The following CTNND2 variants were observed in gnomAD, a reference collection of about 807,000 sequenced individuals.
CTNND2 encodes the protein catenin delta-2.
In CTNND2, 22 loss-of-function variants were observed where a neutral mutation model predicts 144.4. The ratio of observed to expected loss-of-function variants is 0.15; its 90% CI spans 0.11 to 0.22. The LOEUF is 0.22. CTNND2 is among the 10% of genes least tolerant of loss of function. The pLI is 1.00. For synonymous variants in CTNND2, 751 were observed against 695.6 expected (o/e 1.08, Z -1.25); for missense variants, 1,353 against 1,618.8 (o/e 0.84, Z 2.82).
At chr5:11,040,966 G>A (rs1744635209) in intron 16 of CTNND2, among the ~76,000 whole-genome samples, 1 of 152,190 alleles carries the variant, frequency 6.6e-6, no homozygotes, top group Non-Finnish European at 1.5e-5. Flanking sequence ...ACTCTCCTAA[G>A]ATGAAAATTT....
At chr5:11,820,957 A>C (rs1793277031) in intron 1 of CTNND2, among the ~76,000 whole-genome samples, 1 of 152,226 alleles carries the variant, frequency 6.6e-6, no homozygotes, top group African/African-American at 2.4e-5. Context: ...ACAATTCACA[A>C]ACTAGACACC....
intron 1 of CTNND2, among the ~76,000 whole-genome samples, chr5:11,800,749 T>C (rs1234156260): frequency 6.6e-6 from 1 of 152,224 alleles, no homozygotes; most frequent in African/African-American, 2.4e-5. Flanking sequence ...CATTGTCTCA[T>C]CATATTCTCA....
At chr5:11,156,601 A>T (rs990471634) in intron 12 of CTNND2, among the ~76,000 whole-genome samples, 4 of 152,228 alleles carry the variant, frequency 2.6e-5, no homozygotes, top group Non-Finnish European at 5.9e-5. Flanking sequence ...TTGGCAAAAG[A>T]AGAAAGGAGT....
rs761450925 is a variant in CTNND2 at position 11,540,555 on chromosome 5, C to T, written c.287+24389G>A. On this transcript the variant is annotated intron_variant, in intron 3 of 21. Coordinates refer to ENST00000304623, the MANE Select transcript of CTNND2 (RefSeq NM_001332.4). ...GTTTTGAGAATAAGTCTTGCTCTGT[C>T]GTCCGGGCTGGAGTGCAGTGGCACG... 4.6e-5 allele frequency among the ~76,000 whole-genome samples: 7 copies of T among 152,164 alleles called. No individual in the cohort carries two copies. In the East Asian group the frequency reaches 1.2e-3, roughly 25 times the overall value.
At chr5:11,375,451 G>A (rs1757842204) in intron 7 of CTNND2, among the ~76,000 whole-genome samples, 1 of 152,126 alleles carries the variant, frequency 6.6e-6, no homozygotes, top group African/African-American at 2.4e-5. Context: ...TTGGAGAAGA[G>A]AGGAATTCTG....
chr5:10,977,699 T>C (rs572555326), intron 21 of CTNND2, among the ~76,000 whole-genome samples: 28 of 152,320 alleles, frequency 1.8e-4, no homozygotes, highest in African/African-American at 6.5e-4. Context: ...GCGATCTGCC[T>C]GCCTCGGCCT....
At chr5:11,270,398 C>T (rs1426226204) in intron 9 of CTNND2, among the ~76,000 whole-genome samples, 1 of 151,128 alleles carries the variant, frequency 6.6e-6, no homozygotes, top group East Asian at 1.9e-4. Flanking sequence ...CACATAACAA[C>T]TATGTAACTT....
chr5:11,181,589 C>A (rs538812233), intron 11 of CTNND2, among the ~76,000 whole-genome samples: 1 of 152,064 alleles, frequency 6.6e-6, no homozygotes, highest in Non-Finnish European at 1.5e-5. Flanking sequence ...TGTGGAACTG[C>A]GTCTGGTAGA....
intron 2 of CTNND2, among the ~76,000 whole-genome samples, chr5:11,576,416 A>AAT (rs1178916411): frequency 6.7e-6 from 1 of 150,014 alleles, no homozygotes; most frequent in African/African-American, 2.4e-5. Context: ...ATTATATATA[A>AAT]ATATATATAA....
At chr5:11,345,727 C>A (rs1458521604) in intron 9 of CTNND2, among the ~76,000 whole-genome samples, 3 of 151,602 alleles carry the variant, frequency 2.0e-5, no homozygotes, top group Admixed American at 6.6e-5. Flanking sequence ...TCAAATCCAA[C>A]TTTACAAGCA....
At chr5:11,476,396 A>C (rs1374002927) in intron 3 of CTNND2, among the ~76,000 whole-genome samples, 4 of 152,190 alleles carry the variant, frequency 2.6e-5, no homozygotes, top group African/African-American at 9.7e-5. Context: ...CTCAGTAACA[A>C]TGCAAGATAG....
At chr5:11,468,651 T>A (rs942867716) in intron 3 of CTNND2, among the ~76,000 whole-genome samples, 1 of 152,212 alleles carries the variant, frequency 6.6e-6, no homozygotes, top group Non-Finnish European at 1.5e-5. Flanking sequence ...CTACACTTAT[T>A]CATTTCTAGA....
chr5:11,024,952 G>A (rs1429121724), intron 16 of CTNND2, among the ~76,000 whole-genome samples: 1 of 152,160 alleles, frequency 6.6e-6, no homozygotes, highest in Non-Finnish European at 1.5e-5. Flanking sequence ...TGCCATTCAA[G>A]TACTATCATT....
chr5:11,817,415 GA>G lies in CTNND2; in HGVS notation c.38-85144del, dbSNP rs1793032714. On this transcript the variant is annotated intron_variant, in intron 1 of 21. Coordinates refer to ENST00000304623, the MANE Select transcript of CTNND2 (RefSeq NM_001332.4). ...GAGAGAGAGAGAGAGAGGAGGGAGA[GA>G]GAGAGAGAGAGAGAGAGAGAGAGAG... 3.8e-3 allele frequency among the ~76,000 whole-genome samples: 2 copies of G among 532 alleles called. 1 individual carries two copies. The highest frequency in any genetic ancestry group is 0.048 in the Admixed American group (2 of 42). The allele number at this position is 532 out of a possible 152,430, so 0.3% of individuals were successfully genotyped here. A position where few individuals can be genotyped will look rare whatever the true frequency, so the allele number is the denominator to read the frequency against.
In CTNND2 at chr5:11,865,902, C is replaced by CAAAAAAAAAAAAAAAAAAAAAA. The variant is rs56310600; in HGVS notation, c.37+37914_37+37915insTTTTTTTTTTTTTTTTTTTTTT. 2.3e-5 allele frequency among the ~76,000 whole-genome samples: 2 copies of CAAAAAAAAAAAAAAAAAAAAAA among 87,444 alleles called. 1 individual carries two copies. Among genetic ancestry groups the CAAAAAAAAAAAAAAAAAAAAAA allele is most frequent in the Non-Finnish European group, 4.3e-5 (2 of 46,030 alleles). 57.4% of individuals were successfully genotyped at this position (87,444 alleles called of 152,430 possible). ...GGCAACCTTTAGAAGCTGGAAGAGA[C>CAAAAAAAAAAAAAAAAAAAAAA]AAAAAAAAAAAAACGAGTTCTCCTC... On this transcript the variant is annotated intron_variant, in intron 1 of 21. Coordinates refer to ENST00000304623, the MANE Select transcript of CTNND2 (RefSeq NM_001332.4).
chr5:11,069,634 C>T (rs1218208840), intron 16 of CTNND2, among the ~76,000 whole-genome samples: 1 of 137,210 alleles, frequency 7.3e-6, no homozygotes, highest in East Asian at 2.3e-4. Flanking sequence ...TCACAGCAGA[C>T]AGGGAAACAA....
At chr5:11,636,299 T>C (rs1404678431) in intron 2 of CTNND2, among the ~76,000 whole-genome samples, 2 of 152,206 alleles carry the variant, frequency 1.3e-5, no homozygotes, top group African/African-American at 2.4e-5. Flanking sequence ...TCAGTAGCTG[T>C]ACCTGGAAAT....
At chr5:11,438,410 G>C (rs189608022) in intron 3 of CTNND2, among the ~76,000 whole-genome samples, 32 of 152,174 alleles carry the variant, frequency 2.1e-4, no homozygotes, top group African/African-American at 7.5e-4. Context: ...GGGCTGTCTG[G>C]GAAGCAGTTG....
intron 16 of CTNND2, among the ~76,000 whole-genome samples, chr5:11,057,387 C>T (rs532981375): frequency 2.4e-4 from 37 of 152,212 alleles, no homozygotes; most frequent in East Asian, 9.6e-4. Context: ...GCTGTTCTCA[C>T]GACAGTGAAT....
Sources: gnomAD v4.1 joint callset for allele counts (sites outside exome capture counted in the v4.1 genomes callset) on GRCh38, gnomAD v4.1.1 for gene constraint, MANE v1.5 for transcripts, NCBI Gene and HGNC (gene_info 2026-07-23, HGNC 2026-07-21) for gene names.